Variants in TENM3 observed in about 807,000 individuals in gnomAD.
TENM3 encodes the protein teneurin transmembrane protein 3.
In TENM3, 63 loss-of-function variants were observed where a neutral mutation model predicts 255.1. The observed-to-expected ratio is 0.25, with a 90% CI of 0.20 to 0.30. The LOEUF (loss-of-function observed/expected upper bound fraction) is 0.30, where lower values mean the gene tolerates loss of function less well. TENM3 is among the 10% of genes least tolerant of loss of function. The pLI, the probability that TENM3 is intolerant of heterozygous loss-of-function variation, is 1.00. For missense variants in TENM3, 2,929 were observed against 3,461.1 expected, an observed-to-expected ratio of 0.85 and a Z score of 3.86; for synonymous variants, 1,306 against 1,322.3, an observed-to-expected ratio of 0.99 and a Z score of 0.27.
intron 3 of TENM3, among the ~76,000 whole-genome samples, chr4:182,423,213 T>A (rs1262213725): frequency 1.3e-5 from 2 of 152,238 alleles, no homozygotes; most frequent in Non-Finnish European, 2.9e-5. Flanking sequence ...TACTATCATT[T>A]TCTTTTCGGA....
At chr4:181,706,863 A>T in the TENM3 span, among the ~76,000 whole-genome samples, 2 of 152,280 alleles carry the variant, frequency 1.3e-5, no homozygotes, top group South Asian at 4.1e-4. Context: ...GACATTTGTT[A>T]GCTCATTTCT....
At chr4:182,493,036 T>A (rs1487794381) in intron 3 of TENM3, among the ~76,000 whole-genome samples, 2 of 152,138 alleles carry the variant, frequency 1.3e-5, no homozygotes, top group African/African-American at 2.4e-5. Flanking sequence ...CAATTTTCCA[T>A]CTTAAGAAGG....
At chr4:182,221,294 A>G (rs1287214528) in intron 1 of TENM3, among the ~76,000 whole-genome samples, 1 of 152,230 alleles carries the variant, frequency 6.6e-6, no homozygotes, top group Non-Finnish European at 1.5e-5. Context: ...ATATTAGAAT[A>G]TTTGATCTTT....
chr4:182,644,869 G>A lies in TENM3; in HGVS notation c.989-8902G>A, dbSNP rs1337109338. 3.9e-5 allele frequency among the ~76,000 whole-genome samples: 6 copies of A among 151,926 alleles called. No homozygotes were observed. In the East Asian group the frequency reaches 1.2e-3, roughly 30 times the overall value. On this transcript the variant is annotated intron_variant, in intron 5 of 27. Transcript: ENST00000511685. ...GCCTATTTGGCTGTTAGTAACAGAG[G>A]TTTTGACCACGATCAATGACTTCAT...
chr4:182,329,221 G>T (rs79325143), intron 2 of TENM3, among the ~76,000 whole-genome samples: 1 of 152,164 alleles, frequency 6.6e-6, no homozygotes, highest in South Asian at 2.1e-4. Flanking sequence ...AGTGTTTTCC[G>T]CTTTGTGCCA....
intron 3 of TENM3, among the ~76,000 whole-genome samples, chr4:182,393,285 C>T (rs555035209): frequency 9.1e-4 from 138 of 152,218 alleles, no homozygotes; most frequent in Admixed American, 3.9e-3. Flanking sequence ...AAATAAAAAA[C>T]TGATGGATTA....
intron 1 of TENM3, among the ~76,000 whole-genome samples, chr4:182,215,876 A>G (rs1755430694): frequency 1.3e-5 from 2 of 152,046 alleles, no homozygotes; most frequent in African/African-American, 2.4e-5. Flanking sequence ...TGTTTTCAGG[A>G]CTCCCCTATG....
intron 22 of TENM3, among the ~76,000 whole-genome samples, chr4:182,759,638 G>A (rs1252553247): frequency 1.3e-5 from 2 of 152,148 alleles, no homozygotes; most frequent in African/African-American, 4.8e-5. Flanking sequence ...TGAAATGTTG[G>A]TGTTAAACAC....
At position 182,738,456 on chromosome 4, in the gene TENM3, G is replaced by GAT. The variant is rs1761341706; in HGVS notation, c.3292_3293insTA (p.Thr1098IlefsTer20). On this transcript the variant is annotated frameshift_variant, in exon 18 of 28. Transcript: ENST00000511685. LOFTEE classifies it high-confidence loss of function. ...TGGACCTGACTCTGTGGGAAAAGAGGACTGCCATTCTGCAGGGCTATGAAT... is the reference window on the plus strand; with the variant it reads ...TGGACCTGACTCTGTGGGAAAAGAGGATACTGCCATTCTGCAGGGCTATGAAT... 6.2e-7 allele frequency: 1 copy of GAT among 1,613,266 alleles called. No individual in the cohort carries two copies. The highest frequency in any genetic ancestry group is 1.3e-5 in the African/African-American group (1 of 74,892).
At chr4:182,311,809 G>T (rs143844001) in intron 1 of TENM3, among the ~76,000 whole-genome samples, 3,351 of 152,292 alleles carry the variant, frequency 0.022, 52 homozygotes, top group Non-Finnish European at 0.031. Context: ...CTTCATTGAA[G>T]AAGCTCCCCC....
At chr4:181,990,059 T>C in the TENM3 span, among the ~76,000 whole-genome samples, 1 of 152,148 alleles carries the variant, frequency 6.6e-6, no homozygotes, top group African/African-American at 2.4e-5. Context: ...TGATTACACA[T>C]ATAAATATCT....
chr4:182,227,150 G>T (rs1756213255), intron 1 of TENM3, among the ~76,000 whole-genome samples: 1 of 152,114 alleles, frequency 6.6e-6, no homozygotes, highest in African/African-American at 2.4e-5. Context: ...AGGCACAATG[G>T]CTTTTTCTTT....
At chr4:182,400,670 G>T (rs1350842518) in intron 3 of TENM3, among the ~76,000 whole-genome samples, 36 of 152,132 alleles carry the variant, frequency 2.4e-4, no homozygotes, top group Admixed American at 2.4e-3. Flanking sequence ...GATTTGAAAT[G>T]AATCTTTAAA....
chr4:182,050,821 CA>C, the TENM3 span, among the ~76,000 whole-genome samples: 2 of 151,582 alleles, frequency 1.3e-5, no homozygotes, highest in East Asian at 3.9e-4. Context: ...CAAAACAAAA[CA>C]AAAAAGAATG....
intron 1 of TENM3, among the ~76,000 whole-genome samples, chr4:182,302,875 G>GACTCATC (rs953837538): frequency 3.3e-5 from 5 of 152,146 alleles, no homozygotes; most frequent in African/African-American, 4.8e-5. Flanking sequence ...CATGTATTGA[G>GACTCATC]ACTCATCACT....
At chr4:182,772,330 T>TC (rs751125880) in intron 22 of TENM3, among the ~76,000 whole-genome samples, 2 of 152,200 alleles carry the variant, frequency 1.3e-5, no homozygotes, top group African/African-American at 2.4e-5. Context: ...ACGATTATGA[T>TC]CCCCTGTCAC....
chr4:181,549,682 C>A, the TENM3 span, among the ~76,000 whole-genome samples: 3 of 152,186 alleles, frequency 2.0e-5, no homozygotes, highest in Admixed American at 2.0e-4. Context: ...CAGGAAAACA[C>A]ATAATAGGCT....
At chr4:182,466,968 T>C (rs1042306823) in intron 3 of TENM3, among the ~76,000 whole-genome samples, 2 of 152,138 alleles carry the variant, frequency 1.3e-5, no homozygotes. Context: ...AACTGACTTA[T>C]GTTTCTTTTC....
At chr4:182,241,330 A>G, upstream of TENM3, among the ~76,000 whole-genome samples, 1 of 152,130 alleles carries the variant, frequency 6.6e-6, no homozygotes, top group Non-Finnish European at 1.5e-5. Flanking sequence ...TGAGAGGTCA[A>G]CACACATGTT....
Sources: gnomAD v4.1 joint callset for allele counts (sites outside exome capture counted in the v4.1 genomes callset) on GRCh38, gnomAD v4.1.1 for gene constraint, MANE v1.5 for transcripts, NCBI Gene and HGNC (gene_info 2026-07-23, HGNC 2026-07-21) for gene names.